B4GALT7: variants seen among roughly 807,000 people sequenced by gnomAD.
B4GALT7 encodes the protein UDP-Gal:beta-GlcNAc beta-1,4-galactosyltransferase 7.
A neutral mutation model predicts 33.0 loss-of-function variants in B4GALT7; 30 were observed. The observed-to-expected ratio is 0.91, with a 90% CI of 0.68 to 1.23. The LOEUF (loss-of-function observed/expected upper bound fraction) is 1.23, where lower values mean the gene tolerates loss of function less well. Ranked by LOEUF, B4GALT7 falls within the 50% of genes most tolerant of loss-of-function variation. The pLI is 0.00. For missense variants in B4GALT7, 507 were observed against 450.8 expected (o/e 1.12, Z -1.13); for synonymous variants, 213 against 187.2 (o/e 1.14, Z -1.13).
chr5:177,609,127 GC>G, intron 5 of B4GALT7, 113 bp downstream of exon 5: 1 of 1,006,838 alleles, frequency 9.9e-7, no homozygotes, highest in Non-Finnish European at 1.5e-6. Context: ...CCCCTGCTTG[GC>G]CCAGGTCAGT....
chr5:177,608,176 CCT>C lies in B4GALT7; in HGVS notation c.640-359_640-358del, dbSNP rs938923547. On this transcript the variant is annotated intron_variant, in intron 3 of 5. Transcript: ENST00000029410. The surrounding 1 kb of genome is among the most constrained non-coding windows in gnomAD (Gnocchi z 4.1). ...GTGTCTGTCATGGAACCCTGCTACC[CCT>C]CTCACACACACAGGAAGAGATGAGG... 4.5e-5 allele frequency: 14 copies of C among 308,704 alleles called. No homozygotes were observed. The highest frequency in any genetic ancestry group is 2.4e-4 in the South Asian group (7 of 29,352). The allele number at this position is 308,704 out of a possible 1,614,324, so 19.1% of individuals were successfully genotyped here.
intron 5 of B4GALT7, 89 bp downstream of exon 5, chr5:177,609,103 A>G: frequency 2.5e-6 from 3 of 1,214,252 alleles, no homozygotes; most frequent in East Asian, 2.5e-5. Context: ...CCTTGGCCCA[A>G]ATGGTCCCAT....
chr5:177,607,105 C>A (rs940484580), intron 2 of B4GALT7, 197 bp from the exon 3 acceptor site: 9 of 649,800 alleles, frequency 1.4e-5, no homozygotes, highest in East Asian at 5.5e-5. Context: ...CTGTACCTCC[C>A]GTGCTTTGAA....
At chr5:177,607,135 G>A in intron 2 of B4GALT7, 167 bp from the exon 3 acceptor site, 1 of 685,152 alleles carries the variant, frequency 1.5e-6, no homozygotes. Context: ...GCACATAGTG[G>A]GTGCTTAGTA....
intron 2 of B4GALT7, 51 bp downstream of exon 2, chr5:177,604,592 C>T (rs1284818107): frequency 1.1e-5 from 17 of 1,611,150 alleles, no homozygotes; most frequent in Non-Finnish European, 1.4e-5. Flanking sequence ...CGGGCTCAGG[C>T]TTCTCAGGCC....
chr5:177,608,650 C>T lies in B4GALT7; in HGVS notation c.723+28C>T. The T allele has an allele frequency of 6.3e-7, 1 of 1,598,824 alleles. No homozygotes were observed. The highest frequency in any genetic ancestry group is 8.6e-7 in the Non-Finnish European group (1 of 1,167,860). On this transcript the variant is annotated intron_variant, in intron 4 of 5. Transcript: ENST00000029410. The surrounding 1 kb of genome is among the most constrained non-coding windows in gnomAD (Gnocchi z 4.1). ...GAGATTCCCCGGGCCCCGCCGCCAC[C>T]TCAGCTGCGGTGGCTGCCCTGAGAT...
intron 3 of B4GALT7, 23 bp downstream of exon 3, chr5:177,607,550 T>C (rs1237424492): frequency 6.2e-7 from 1 of 1,602,364 alleles, no homozygotes; most frequent in Non-Finnish European, 8.5e-7. Flanking sequence ...CAGCCTGCTC[T>C]GCTCAGAGCC....
In B4GALT7 at chr5:177,604,160, T is replaced by C; in HGVS notation, c.51-19T>C. On this transcript the variant is annotated intron_variant, in intron 1 of 5. Transcript: ENST00000029410. ...CAGCCCTGCCCCGCCCTCCTGACCCTGTCCCGCGCTTGCTCCAGGTCCGGG... is the reference window on the plus strand; with the variant it reads ...CAGCCCTGCCCCGCCCTCCTGACCCCGTCCCGCGCTTGCTCCAGGTCCGGG... 2 of 1,613,200 alleles carry C rather than the reference T, an allele frequency of 1.2e-6. No individual in the cohort carries two copies. Among genetic ancestry groups the C allele is most frequent in the Non-Finnish European group, 1.7e-6 (2 of 1,179,922 alleles).
rs768207667 is a variant in B4GALT7, at chr5:177,600,756, C to T, written c.50+496C>T. 9.9e-5 allele frequency among the ~76,000 whole-genome samples: 15 copies of T among 152,146 alleles called. No homozygotes were observed. Among genetic ancestry groups the T allele is most frequent in the Non-Finnish European group, 1.9e-4 (13 of 68,030 alleles). On this transcript the variant is annotated intron_variant, in intron 1 of 5. Coordinates refer to ENST00000029410, the MANE Select transcript of B4GALT7 (RefSeq NM_007255.3). The surrounding 1 kb of genome is among the most constrained non-coding windows in gnomAD (Gnocchi z 4.4). ...CTCATCACATCCATATAGCCTCAGA[C>T]CCTACCCTTCCTCCTTAACACTTCC... is the stretch of plus-strand genomic sequence containing the variant.
chr5:177,600,260 G>A lies in B4GALT7; in HGVS notation c.50G>A (p.Arg17Lys), dbSNP rs1165029746. ...GCGCAGCTGCCCTGGGAGGACGGCA[G>A]GTGAGCGGCGGCGGTGGGCCCGGGC... ...KAAQLPWEDG[R>K]SGLLSGGLPR... is the part of the protein sequence containing the mutation. Residue 17 changes from arginine (R) to lysine (K), a missense_variant and splice_region_variant, in exon 1 of 6, where the codon AGG (arginine) becomes AAG (lysine). Coordinates refer to ENST00000029410, the MANE Select transcript of B4GALT7 (RefSeq NM_007255.3). This position sits in a 1 kb window ranked among gnomAD's most constrained non-coding sequence, Gnocchi z 4.4. 3 of 1,351,428 alleles carry A rather than the reference G, an allele frequency of 2.2e-6. No homozygotes were observed. Among genetic ancestry groups the A allele is most frequent in the Admixed American group, 3.1e-5 (1 of 31,800 alleles). 83.7% of individuals were successfully genotyped at this position (1,351,428 alleles called of 1,614,324 possible).
chr5:177,608,533 T>C lies in B4GALT7; in HGVS notation c.640-6T>C, dbSNP rs777260899. ...GGCCGAGTGACGCTGCTTGTCTCTG[T>C]GTCAGTGCAATGGGATGTCCAACCG... On this transcript the variant is annotated splice_region_variant and splice_polypyrimidine_tract_variant and intron_variant, in intron 3 of 5. Coordinates refer to ENST00000029410, the MANE Select transcript of B4GALT7 (RefSeq NM_007255.3). This position sits in a 1 kb window ranked among gnomAD's most constrained non-coding sequence, Gnocchi z 4.1. 1.2e-6 allele frequency: 2 copies of C among 1,609,018 alleles called. No homozygotes were observed. Among genetic ancestry groups the C allele is most frequent in the East Asian group, 2.2e-5 (1 of 44,828 alleles).
chr5:177,607,727 C>G, intron 3 of B4GALT7, 200 bp downstream of exon 3: 1 of 617,140 alleles, frequency 1.6e-6, no homozygotes. Flanking sequence ...ACGGGGGCTT[C>G]AGAAACCTGG....
At chr5:177,603,424 GTC>G (rs1483323606) in intron 1 of B4GALT7, 1 of 929,304 alleles carries the variant, frequency 1.1e-6, no homozygotes, top group East Asian at 1.2e-4. Flanking sequence ...TCACCCCAGT[GTC>G]TGTGATGTTC....
chr5:177,607,316 C>T lies in B4GALT7; in HGVS notation c.428C>T (p.Ala143Val), dbSNP rs1345839076. The change falls in exon 3 of 6, where the codon GCG (alanine) becomes GTG (valine). Residue 143 changes from alanine to valine, a missense_variant. By Grantham distance (64) the Ala-to-Val change is moderately conservative (BLOSUM62 0). Coordinates refer to ENST00000029410, the MANE Select transcript of B4GALT7 (RefSeq NM_007255.3). Reference protein sequence around the residue: ...QVDHFRFNRAALINVGFLESS... With the variant: ...QVDHFRFNRAVLINVGFLESS... Reference sequence around the variant, plus strand: ...ACCCTGCACAGGTTCAACCGGGCAGCGCTCATCAACGTGGGCTTCCTGGAG... The same window carrying T: ...ACCCTGCACAGGTTCAACCGGGCAGTGCTCATCAACGTGGGCTTCCTGGAG... The T allele has an allele frequency of 1.9e-6, 3 of 1,610,470 alleles. No individual in the cohort carries two copies. The highest frequency in any genetic ancestry group is 1.1e-5 in the South Asian group (1 of 90,544).
chr5:177,608,224 G>A lies in B4GALT7; in HGVS notation c.640-315G>A, dbSNP rs551730190. On this transcript the variant is annotated intron_variant, in intron 3 of 5. Coordinates refer to ENST00000029410, the MANE Select transcript of B4GALT7 (RefSeq NM_007255.3). The surrounding 1 kb of genome is among the most constrained non-coding windows in gnomAD (Gnocchi z 4.1). ...TGAGGGCAGGGCCACCAGGAGAAAG[G>A]GGAATGGGGGAAGCAGAAATCAAGT... is the stretch of plus-strand genomic sequence containing the variant. 10 of 417,476 alleles carry A rather than the reference G, an allele frequency of 2.4e-5. No individual in the cohort carries two copies. The East Asian group carries it at 5.1e-4, about 21-fold the overall frequency. The allele number at this position is 417,476 out of a possible 1,614,324, so 25.9% of individuals were successfully genotyped here.
chr5:177,608,802 C>A lies in B4GALT7; in HGVS notation c.724-108C>A. On this transcript the variant is annotated intron_variant, in intron 4 of 5. Coordinates refer to ENST00000029410, the MANE Select transcript of B4GALT7 (RefSeq NM_007255.3). This position sits in a 1 kb window ranked among gnomAD's most constrained non-coding sequence, Gnocchi z 4.1. ...GCCCTGTGGGCCCCAGTCTCCTCTC[C>A]TGCAGGCTGGGAGTGCAGGTCCCTT... 1 of 1,177,482 alleles carries A rather than the reference C, an allele frequency of 8.5e-7. No homozygotes were observed. The highest frequency in any genetic ancestry group is 2.4e-5 in the East Asian group (1 of 42,254). 72.9% of individuals were successfully genotyped at this position (1,177,482 alleles called of 1,614,324 possible).
At chr5:177,607,222 T>TG in intron 2 of B4GALT7, 80 bp from the exon 3 acceptor site, 1 of 1,301,004 alleles carries the variant, frequency 7.7e-7, no homozygotes, top group Non-Finnish European at 1.1e-6. Flanking sequence ...ATAGGCACCA[T>TG]GGGGACCCCC....
intron 1 of B4GALT7, 45 bp from the exon 2 acceptor site, chr5:177,604,134 C>A: frequency 6.2e-7 from 1 of 1,611,702 alleles, no homozygotes; most frequent in Non-Finnish European, 8.5e-7. Context: ...TGTCACAGGG[C>A]CAGCCCTGCC....
At chr5:177,604,842 G>C (rs941187413) in intron 2 of B4GALT7, among the ~76,000 whole-genome samples, 1 of 152,154 alleles carries the variant, frequency 6.6e-6, no homozygotes, top group Non-Finnish European at 1.5e-5. Flanking sequence ...GGGGTGGGTA[G>C]AGAGAGGTGC....
Sources: gnomAD v4.1 joint callset for allele counts (sites outside exome capture counted in the v4.1 genomes callset) on GRCh38, gnomAD v4.1.1 for gene constraint, Gnocchi (gnomAD v3.1) non-coding constraint, MANE v1.5 for transcripts, NCBI Gene and HGNC (gene_info 2026-07-23, HGNC 2026-07-21) for gene names.